The following DIS3L2 variants were observed in gnomAD, a reference collection of about 807,000 sequenced individuals.
The protein encoded by DIS3L2 is DIS3-like exonuclease 2.
Under a neutral mutation model 97.5 loss-of-function variants are expected in DIS3L2, and 34 were observed. That is an observed-to-expected ratio of 0.35 (90% CI 0.27 to 0.46). The LOEUF (loss-of-function observed/expected upper bound fraction) is 0.46, where lower values mean the gene tolerates loss of function less well. DIS3L2 is among the 20% of genes least tolerant of loss of function. The pLI, the probability that DIS3L2 is intolerant of heterozygous loss-of-function variation, is 1.00. For missense variants in DIS3L2, 1,038 were observed against 1,146.0 expected (o/e 0.91, Z 1.36); for synonymous variants, 435 against 445.2 (o/e 0.98, Z 0.29).
intron 5 of DIS3L2, among the ~76,000 whole-genome samples, chr2:232,068,606 A>G (rs73001138): frequency 0.011 from 1,708 of 151,730 alleles, 19 homozygotes; most frequent in Non-Finnish European, 0.016. Flanking sequence ...ATATGTATAT[A>G]TATTTATATG....
At position 232,329,993 on chromosome 2, in the gene DIS3L2, C is replaced by T. The variant is rs1463057159; in HGVS notation, c.1920C>T (p.Leu640=). The part of the protein sequence containing the change: ...LPVDFSSAGA[L]NKSLTQTFGD... Reference sequence around the variant, plus strand: ...TGGACTTCAGCTCCGCAGGAGCCCTCAATGTGAGTGGTGGGCAGGATTCGG... The same window carrying T: ...TGGACTTCAGCTCCGCAGGAGCCCTTAATGTGAGTGGTGGGCAGGATTCGG... Residue 640 remains leucine, a synonymous_variant, in exon 15 of 21, where the codon CTC becomes CTT. Coordinates refer to ENST00000325385, the MANE Select transcript of DIS3L2 (RefSeq NM_152383.5). The T allele has an allele frequency of 1.2e-6, 2 of 1,607,610 alleles. No individual in the cohort carries two copies. The highest frequency in any genetic ancestry group is 3.4e-5 in the Admixed American group (2 of 59,544).
intron 6 of DIS3L2, among the ~76,000 whole-genome samples, chr2:232,088,250 A>T (rs1009848221): frequency 3.3e-5 from 5 of 150,714 alleles, no homozygotes; most frequent in African/African-American, 1.2e-4. Context: ...AATGCAAAAA[A>T]ATTAGCCAGG....
chr2:232,341,953 T>C (rs568391502), downstream of DIS3L2, among the ~76,000 whole-genome samples: 8 of 152,334 alleles, frequency 5.3e-5, no homozygotes, highest in South Asian at 2.1e-4. Flanking sequence ...CCAGGCCCGC[T>C]GAGGCCTCAG....
chr2:232,343,612 G>C (rs1163867061), exon 14 of DIS3L2: 6 of 1,563,594 alleles, frequency 3.8e-6, no homozygotes, highest in Non-Finnish European at 5.2e-6. Context: ...GAGAAGGAAA[G>C]ATTATGGAAA....
intron 13 of DIS3L2, among the ~76,000 whole-genome samples, chr2:232,282,166 A>G (rs963917263): frequency 1.4e-4 from 21 of 149,258 alleles, no homozygotes; most frequent in Non-Finnish European, 1.9e-4. Flanking sequence ...AAAAAAAAAA[A>G]GGGAATTCAC....
chr2:231,978,113 G>A (rs1693150505), intron 1 of DIS3L2, among the ~76,000 whole-genome samples: 1 of 152,214 alleles, frequency 6.6e-6, no homozygotes, highest in Non-Finnish European at 1.5e-5. Flanking sequence ...GACTATGTAT[G>A]TTTTTATATG....
intron 5 of DIS3L2, among the ~76,000 whole-genome samples, chr2:232,079,090 A>G (rs1696304152): frequency 6.6e-6 from 1 of 152,218 alleles, no homozygotes; most frequent in African/African-American, 2.4e-5. Context: ...CAGGGAAGAT[A>G]GACTCTGAAC....
chr2:232,230,927 C>T (rs576063344), intron 10 of DIS3L2, among the ~76,000 whole-genome samples: 13 of 152,256 alleles, frequency 8.5e-5, no homozygotes, highest in South Asian at 6.2e-4. Context: ...CCCCATCCTT[C>T]GCTCTGGCTC....
chr2:232,309,839 C>T (rs893375590), intron 14 of DIS3L2, among the ~76,000 whole-genome samples: 1 of 152,212 alleles, frequency 6.6e-6, no homozygotes, highest in African/African-American at 2.4e-5. Flanking sequence ...GGGACATTGT[C>T]AGTAGTAGAA....
chr2:232,202,120 A>G (rs781685665), intron 9 of DIS3L2, among the ~76,000 whole-genome samples: 3 of 152,154 alleles, frequency 2.0e-5, no homozygotes, highest in Non-Finnish European at 4.4e-5. Flanking sequence ...AAGTATAAAA[A>G]GAGGCGTGAT....
chr2:232,033,885 G>T (rs1694880410), intron 5 of DIS3L2, among the ~76,000 whole-genome samples: 1 of 152,124 alleles, frequency 6.6e-6, no homozygotes, highest in African/African-American at 2.4e-5. Flanking sequence ...TTTTATTGAG[G>T]ATTTTCACAT....
At position 232,283,546 on chromosome 2, in the gene DIS3L2, C is replaced by T. The variant is rs573907860; in HGVS notation, c.1660-16494C>T. Among the ~76,000 whole-genome samples, 38 of 152,212 alleles carry T rather than the reference C, an allele frequency of 2.5e-4. No homozygotes were observed. The South Asian group carries it at 5.4e-3, about 22-fold the overall frequency. On this transcript the variant is annotated intron_variant, in intron 13 of 20. Coordinates refer to ENST00000325385, the MANE Select transcript of DIS3L2 (RefSeq NM_152383.5). Reference sequence around the variant, plus strand: ...GTGTTGGAACTACAGGTGTTGTGAGCGACTGGGCCAGGACTAGGCCCAGTC... The same window carrying T: ...GTGTTGGAACTACAGGTGTTGTGAGTGACTGGGCCAGGACTAGGCCCAGTC...
chr2:231,975,543 A>T (rs772528866), intron 1 of DIS3L2, among the ~76,000 whole-genome samples: 22 of 151,844 alleles, frequency 1.4e-4, no homozygotes, highest in Non-Finnish European at 2.6e-4. Context: ...TCTACTAAAA[A>T]AATGCAAAAA....
intron 10 of DIS3L2, among the ~76,000 whole-genome samples, chr2:232,214,533 C>T (rs1692280752): frequency 6.6e-6 from 1 of 152,130 alleles, no homozygotes; most frequent in Non-Finnish European, 1.5e-5. Flanking sequence ...CTCAACTTAG[C>T]ATCCTAAATA....
chr2:232,148,748 C>CTTTTTTTTTTTTTTTT (rs34837114), intron 8 of DIS3L2, among the ~76,000 whole-genome samples: 7 of 98,888 alleles, frequency 7.1e-5, no homozygotes, highest in Admixed American at 1.2e-4. Context: ...AATTTTCTTT[C>CTTTTTTTTTTTTTTTT]TTTTTTTTTT....
At chr2:232,343,605 A>G in exon 14 of DIS3L2, 1 of 1,569,972 alleles carries the variant, frequency 6.4e-7, no homozygotes, top group Non-Finnish European at 8.7e-7. Context: ...TGTGGCGGAG[A>G]AGGAAAGATT....
In DIS3L2 at chr2:232,238,564, C is replaced by T. The variant is rs765535316; in HGVS notation, c.1236C>T (p.Asp412=). 1.4e-5 allele frequency: 23 copies of T among 1,614,162 alleles called. No homozygotes were observed. Among genetic ancestry groups the T allele is most frequent in the Non-Finnish European group, 1.7e-5 (20 of 1,180,008 alleles). The stretch of plus-strand genomic sequence containing the variant: ...TCAAAGTGGGAGTTCACATTGCTGA[C>T]GTGAGTTACTTTGTTCCGGAGGGAT... ...GNFKVGVHIA[D]VSYFVPEGSD... Residue 412 remains aspartate, a synonymous_variant, in exon 11 of 21, where the codon GAC becomes GAT. Coordinates refer to ENST00000325385, the MANE Select transcript of DIS3L2 (RefSeq NM_152383.5).
chr2:232,046,089 C>T (rs997710115), intron 5 of DIS3L2, among the ~76,000 whole-genome samples: 1 of 152,188 alleles, frequency 6.6e-6, no homozygotes, highest in Admixed American at 6.5e-5. Flanking sequence ...TGGACACTGT[C>T]ACAACACTTG....
intron 6 of DIS3L2, among the ~76,000 whole-genome samples, chr2:232,122,897 G>T (rs549590275): frequency 4.9e-4 from 74 of 152,296 alleles, no homozygotes; most frequent in African/African-American, 1.5e-3. Context: ...TAATTTATTT[G>T]TTTGGAGCCA....
Sources: allele counts gnomAD v4.1 joint callset (sites outside exome capture counted in the v4.1 genomes callset), GRCh38; gene constraint gnomAD v4.1.1; transcripts MANE v1.5; gene names NCBI Gene and HGNC (gene_info 2026-07-23, HGNC 2026-07-21).